GLI3: variants seen among roughly 807,000 people sequenced by gnomAD.
The protein encoded by GLI3 is transcription activator GLI3.
Under a neutral mutation model 100.8 loss-of-function variants are expected in GLI3, and 20 were observed. The observed-to-expected ratio is 0.20, with a 90% CI of 0.14 to 0.29. The LOEUF is 0.29. Ranked by LOEUF, GLI3 falls within the 10% of genes least tolerant of loss-of-function variation. The pLI is 1.00. For synonymous variants in GLI3, 938 were observed against 860.5 expected, an observed-to-expected ratio of 1.09 and a Z score of -1.58; for missense variants, 2,040 against 2,128.5, an observed-to-expected ratio of 0.96 and a Z score of 0.82.
rs201321024 is a variant in GLI3 at position 41,967,698 on chromosome 7, G to A, written c.2329C>T (p.His777Tyr). The change falls in exon 14 of 15, where the codon CAC becomes TAC. Residue 777 changes from histidine to tyrosine, a missense_variant. His to Tyr is a moderately conservative substitution (Grantham distance 83). Transcript: ENST00000395925. ...RNPAGTKWMEHVKLERLKQVN... is the reference protein window; with the variant it reads ...RNPAGTKWMEYVKLERLKQVN... The stretch of plus-strand genomic sequence containing the variant: ...TGTTTTAGCCTTTCTAGTTTTACGT[G>A]CTCCATCCATTTGGTCCCTGCCGGG... 1.0e-4 allele frequency: 163 copies of A among 1,614,110 alleles called. No individual in the cohort carries two copies. The highest frequency in any genetic ancestry group is 1.3e-4 in the Non-Finnish European group (153 of 1,179,968).
At chr7:42,247,528 A>G (rs559319167) in intron 1 of GLI3, among the ~76,000 whole-genome samples, 1 of 152,362 alleles carries the variant, frequency 6.6e-6, no homozygotes, top group African/African-American at 2.4e-5. Context: ...GAAAGGAAGA[A>G]TGCAAAATAT....
In GLI3 at chr7:42,233,514, G is replaced by A. The variant is rs77751768; in HGVS notation, c.-43+3457C>T. On this transcript the variant is annotated intron_variant, in intron 1 of 14. Coordinates refer to ENST00000395925, the MANE Select transcript of GLI3 (RefSeq NM_000168.6). Reference sequence around the variant, plus strand: ...TAGAGACGTTTGACTGCTGCTTGGCGTTACTGCTCAAGTTATATAAAAGCT... The same window carrying A: ...TAGAGACGTTTGACTGCTGCTTGGCATTACTGCTCAAGTTATATAAAAGCT... Among the ~76,000 whole-genome samples, 15 of 152,226 alleles carry A rather than the reference G, an allele frequency of 9.9e-5. No individual in the cohort carries two copies. In the East Asian group the frequency reaches 1.2e-3, roughly 12 times the overall value.
At chr7:42,259,549 A>G (rs1393362859) in intron 1 of GLI3, among the ~76,000 whole-genome samples, 1 of 152,242 alleles carries the variant, frequency 6.6e-6, no homozygotes, top group African/African-American at 2.4e-5. Context: ...TGCCTGACAC[A>G]TAGTAAGTTC....
At chr7:42,059,932 G>C (rs1784534829) in intron 4 of GLI3, among the ~76,000 whole-genome samples, 1 of 152,222 alleles carries the variant, frequency 6.6e-6, no homozygotes, top group Non-Finnish European at 1.5e-5. Context: ...CTTTCCTTCT[G>C]TCTCACTCTC....
intron 2 of GLI3, among the ~76,000 whole-genome samples, chr7:42,158,612 C>T (rs1368262526): frequency 6.6e-6 from 1 of 151,934 alleles, no homozygotes; most frequent in Admixed American, 6.6e-5. Flanking sequence ...GCCTCAACCT[C>T]CTGAGTAGCA....
At chr7:42,007,261 C>G (rs181561608) in intron 10 of GLI3, among the ~76,000 whole-genome samples, 201 of 147,902 alleles carry the variant, frequency 1.4e-3, no homozygotes, top group Middle Eastern at 0.011. Flanking sequence ...AAAAAAGAAC[C>G]CAACAGCAAG....
chr7:42,041,131 A>G (rs1214559267), intron 6 of GLI3, among the ~76,000 whole-genome samples: 1 of 152,206 alleles, frequency 6.6e-6, no homozygotes, highest in Admixed American at 6.5e-5. Flanking sequence ...ACGAGGTACA[A>G]TGAACCTATA....
intron 7 of GLI3, among the ~76,000 whole-genome samples, chr7:42,030,056 T>C (rs1251256381): frequency 6.6e-6 from 1 of 152,130 alleles, no homozygotes; most frequent in African/African-American, 2.4e-5. Flanking sequence ...TTTATTACCT[T>C]ACAGTTCTGG....
At chr7:42,218,662 A>G (rs2128700907) in intron 2 of GLI3, among the ~76,000 whole-genome samples, 1 of 152,220 alleles carries the variant, frequency 6.6e-6, no homozygotes. Context: ...CTTGTTTTTG[A>G]AAGAATCAAA....
Position 41,965,442 on chromosome 7 carries a change from C to T in GLI3, c.3631G>A (p.Gly1211Arg), listed in dbSNP as rs757059523. ...TTCTCCCCGAGGGTCTGATAGCCCC[C>T]AGCAGGCCCGCTCCTCAAGGGGTTC... ...PQNPLRSGPA[G>R]GYQTLGENSN... Residue 1211 changes from glycine (G) to arginine (R), a missense_variant, in exon 15 of 15, where the codon GGG becomes AGG. Gly to Arg is a moderately radical substitution (Grantham distance 125). Around this residue, in one of 5 missense-constraint regions of GLI3, gnomAD observed 1,041 missense variants for 924.0 expected, o/e 1.13. Transcript: ENST00000395925. The T allele has an allele frequency of 2.5e-5, 40 of 1,607,972 alleles. No individual in the cohort carries two copies. Among genetic ancestry groups the T allele is most frequent in the Non-Finnish European group, 3.3e-5 (39 of 1,177,138 alleles).
Position 41,972,655 on chromosome 7 carries a change from G to T in GLI3, c.1813-28C>A. On this transcript the variant is annotated intron_variant, in intron 12 of 14. Transcript: ENST00000395925. The surrounding 1 kb of genome is among the most constrained non-coding windows in gnomAD (Gnocchi z 4.4). Reference sequence around the variant, plus strand: ...GCCAAATCCCACAAGAACGAGGTAAGAGATTGTTATGAAAGAGACTATGCC... The same window carrying T: ...GCCAAATCCCACAAGAACGAGGTAATAGATTGTTATGAAAGAGACTATGCC... 6.3e-7 allele frequency: 1 copy of T among 1,593,090 alleles called. No homozygotes were observed. Among genetic ancestry groups the T allele is most frequent in the Non-Finnish European group, 8.5e-7 (1 of 1,173,402 alleles).
chr7:42,023,926 G>T (rs550396393), intron 9 of GLI3, among the ~76,000 whole-genome samples: 1 of 151,814 alleles, frequency 6.6e-6, no homozygotes, highest in Non-Finnish European at 1.5e-5. Context: ...AAAACAAAAC[G>T]TAAAACAAAC....
At chr7:42,222,821 T>C in intron 2 of GLI3, 1 of 360,902 alleles carries the variant, frequency 2.8e-6, no homozygotes, top group Non-Finnish European at 5.4e-6. Flanking sequence ...ACACAAAGCA[T>C]TTTGAACTCT....
chr7:42,044,312 G>C (rs1784201580), intron 6 of GLI3, among the ~76,000 whole-genome samples: 1 of 152,216 alleles, frequency 6.6e-6, no homozygotes, highest in African/African-American at 2.4e-5. Context: ...AAAGGTAGTG[G>C]CTTTTGCTGA....
intron 10 of GLI3, among the ~76,000 whole-genome samples, chr7:41,986,110 A>G (rs901339749): frequency 6.6e-6 from 1 of 152,226 alleles, no homozygotes; most frequent in African/African-American, 2.4e-5. Context: ...CTTTGGGTAC[A>G]AACCAGCATT....
At chr7:42,071,794 G>A (rs1005227712) in intron 4 of GLI3, among the ~76,000 whole-genome samples, 28 of 152,196 alleles carry the variant, frequency 1.8e-4, no homozygotes, top group Admixed American at 5.9e-4. Context: ...TTACGGGGGC[G>A]AGGCCTTACC....
At chr7:41,999,646 G>A (rs931074215) in intron 10 of GLI3, among the ~76,000 whole-genome samples, 2 of 152,158 alleles carry the variant, frequency 1.3e-5, no homozygotes, top group Non-Finnish European at 2.9e-5. Flanking sequence ...CGATGGATAT[G>A]TGGTCCTGCT....
intron 12 of GLI3, among the ~76,000 whole-genome samples, chr7:41,976,058 C>G (rs1386180599): frequency 6.6e-6 from 1 of 152,118 alleles, no homozygotes; most frequent in African/African-American, 2.4e-5. Context: ...ATCTTCACCA[C>G]CCCAACAAAA....
rs71006467 is a variant in GLI3 at position 42,246,805 on chromosome 7, C to CTTTTTTTTTTTTTTTTTTTT, written c.-43+17169_-43+17188dup. Among the ~76,000 whole-genome samples the CTTTTTTTTTTTTTTTTTTTT allele has an allele frequency of 7.4e-4, 70 of 94,952 alleles. 2 individuals carry two copies. Among genetic ancestry groups the CTTTTTTTTTTTTTTTTTTTT allele is most frequent in the Non-Finnish European group, 9.3e-4 (46 of 49,216 alleles). 62.3% of individuals were successfully genotyped at this position (94,952 alleles called of 152,430 possible). A position where few individuals can be genotyped will look rare whatever the true frequency, so the allele number is the denominator to read the frequency against. ...TTAAAGGCTCATTGGATGATAGAAT[C>CTTTTTTTTTTTTTTTTTTTT]TTTTTTTTTTTTTTTTTTTTTTTTT... is the stretch of plus-strand genomic sequence containing the variant. On this transcript the variant is annotated intron_variant, in intron 1 of 2. Coordinates refer to the GLI3 transcript ENST00000678978.
Sources: allele counts gnomAD v4.1 joint callset (sites outside exome capture counted in the v4.1 genomes callset), GRCh38; gene constraint gnomAD v4.1.1; regional missense constraint gnomAD v4.1.1; non-coding constraint Gnocchi (gnomAD v3.1); transcripts MANE v1.5; gene names NCBI Gene and HGNC (gene_info 2026-07-23, HGNC 2026-07-21).